Variants in TMEM231 observed in about 807,000 individuals in gnomAD.
TMEM231 encodes the protein transmembrane protein 231.
A neutral mutation model predicts 38.5 loss-of-function variants in TMEM231; 40 were observed. The ratio of observed to expected loss-of-function variants is 1.04; its 90% CI spans 0.81 to 1.35. The LOEUF (loss-of-function observed/expected upper bound fraction) is 1.35. Among genes scored for constraint, TMEM231 ranks in the 40% most tolerant of loss-of-function variants. TMEM231 has a pLI of 0.00. For missense variants in TMEM231, 420 were observed against 416.9 expected, an observed-to-expected ratio of 1.01 and a Z score of -0.07; for synonymous variants, 199 against 181.7, an observed-to-expected ratio of 1.10 and a Z score of -0.77.
At chr16:75,540,908 T>C (rs2080619064) in intron 6 of TMEM231, among the ~76,000 whole-genome samples, 1 of 152,224 alleles carries the variant, frequency 6.6e-6, no homozygotes. Context: ...TATGAGGCTA[T>C]AACCCTGTCA....
At chr16:75,541,887 T>C (rs1382352285) in intron 5 of TMEM231, 2 of 153,440 alleles carry the variant, frequency 1.3e-5, no homozygotes. Context: ...AAATAGTTGA[T>C]TTGTAGGGCA....
Position 75,556,183 on chromosome 16 carries a change from G to T in TMEM231, c.27C>A (p.His9Gln), listed in dbSNP as rs1832096737. 2 of 1,520,474 alleles carry T rather than the reference G, an allele frequency of 1.3e-6. No homozygotes were observed. Among genetic ancestry groups the T allele is most frequent in the South Asian group, 1.3e-5 (1 of 78,346 alleles). 94.2% of individuals were successfully genotyped at this position (1,520,474 alleles called of 1,614,324 possible). The change falls in exon 1 of 7, where the codon CAC (histidine) becomes CAA (glutamine). Residue 9 changes from histidine (H) to glutamine (Q), a missense_variant. His to Gln is a conservative substitution (Grantham distance 24). Coordinates refer to ENST00000258173, the MANE Select transcript of TMEM231 (RefSeq NM_001077418.3). Reference protein sequence around the residue: MALYELFSHPVERSYRAGL... With the variant: MALYELFSQPVERSYRAGL... ...CCGCGCGGTAACTGCGCTCGACCGG[G>T]TGAGAGAAGAGCTCATAGAGCGCCA...
chr16:75,544,853 C>T (rs2080664402), intron 4 of TMEM231, among the ~76,000 whole-genome samples: 1 of 151,630 alleles, frequency 6.6e-6, no homozygotes, highest in Non-Finnish European at 1.5e-5. Flanking sequence ...CGTGTACCTT[C>T]TCTGTAGTTT....
intron 2 of TMEM231, among the ~76,000 whole-genome samples, chr16:75,547,850 G>T (rs1316938620): frequency 6.6e-6 from 1 of 152,110 alleles, no homozygotes; most frequent in African/African-American, 2.4e-5. Context: ...TGGGATCTGG[G>T]TAGAAAATCT....
intron 2 of TMEM231, 31 bp downstream of exon 2, chr16:75,555,773 T>C: frequency 6.7e-7 from 1 of 1,487,106 alleles, no homozygotes; most frequent in South Asian, 1.4e-5. Context: ...TATCCCCGAC[T>C]CTGCCCCAGG....
chr16:75,540,101 A>C lies in TMEM231; in HGVS notation c.844T>G (p.Trp282Gly). The change falls in exon 7 of 7, where the codon TGG (tryptophan) becomes GGG (glycine). Residue 282 changes from tryptophan (W) to glycine (G), a missense_variant. Coordinates refer to ENST00000258173, the MANE Select transcript of TMEM231 (RefSeq NM_001077418.3). ...QYVSILLIFLWVFERIKIFVF... is the reference protein window; with the variant it reads ...QYVSILLIFLGVFERIKIFVF... ...AAGATCTTGATTCTTTCAAACACCC[A>C]GAGGAAGATAAGCAGGATGCTGACA... 6.2e-7 allele frequency: 1 copy of C among 1,613,892 alleles called. No individual in the cohort carries two copies. The highest frequency in any genetic ancestry group is 8.5e-7 in the Non-Finnish European group (1 of 1,179,830).
intron 4 of TMEM231, 22 bp downstream of exon 4, chr16:75,545,330 G>T: frequency 6.2e-7 from 1 of 1,604,760 alleles, no homozygotes; most frequent in Non-Finnish European, 8.5e-7. Flanking sequence ...CAAAGGAGCT[G>T]GACAATGAGA....
rs902732764 is a variant in TMEM231 at position 75,537,964 on chromosome 16, T to C, written c.*2030A>G. ...CTACCTGGGGAAGAACTAGGGGACT[T>C]TCACCAAAGACCTCATGGAAGTTCC... On this transcript the variant is annotated 3_prime_UTR_variant, in exon 7 of 7. Coordinates refer to ENST00000258173, the MANE Select transcript of TMEM231 (RefSeq NM_001077418.3). 1 of 152,138 alleles carries C rather than the reference T, an allele frequency of 6.6e-6. No individual in the cohort carries two copies. Among genetic ancestry groups the C allele is most frequent in the Non-Finnish European group, 1.5e-5 (1 of 68,014 alleles). 9.4% of individuals were successfully genotyped at this position (152,138 alleles called of 1,614,324 possible).
At chr16:75,544,561 A>G (rs2738802) in intron 4 of TMEM231, among the ~76,000 whole-genome samples, 40,542 of 152,062 alleles carry the variant, frequency 0.27, 5,614 homozygotes, top group Middle Eastern at 0.33. Flanking sequence ...AGAGGTTGCC[A>G]TGATGATTAA....
In TMEM231 at chr16:75,545,529, G is replaced by A. The variant is rs199898251; in HGVS notation, c.439-34C>T. 20,074 of 1,441,786 alleles carry A rather than the reference G, an allele frequency of 0.014. 2,669 individuals carry two copies. The African/African-American group carries it at 0.29, about 21-fold the overall frequency. 89.3% of individuals were successfully genotyped at this position (1,441,786 alleles called of 1,614,324 possible). On this transcript the variant is annotated intron_variant, in intron 3 of 6. Coordinates refer to ENST00000258173, the MANE Select transcript of TMEM231 (RefSeq NM_001077418.3). Reference sequence around the variant, plus strand: ...ATTAGAAGGACCAACAATACCAACCGCCATCAGATCTGAAGGGCTCTGGGT... The same window carrying A: ...ATTAGAAGGACCAACAATACCAACCACCATCAGATCTGAAGGGCTCTGGGT...
intron 5 of TMEM231, chr16:75,541,728 A>T (rs2080630823): frequency 4.4e-6 from 1 of 229,794 alleles, no homozygotes; most frequent in Non-Finnish European, 8.4e-6. Flanking sequence ...ACTGCCACTA[A>T]AAGTAGTATC....
rs1483717718 is a variant in TMEM231, at chr16:75,539,393, G to C, written c.*601C>G. Reference sequence around the variant, plus strand: ...ATGACTGACTGTTGGGCTGGGGCAGGTGGACGGTCCAAGTGTCCTTCAGCG... The same window carrying C: ...ATGACTGACTGTTGGGCTGGGGCAGCTGGACGGTCCAAGTGTCCTTCAGCG... On this transcript the variant is annotated 3_prime_UTR_variant, in exon 7 of 7. Transcript: ENST00000258173. 3 of 152,212 alleles carry C rather than the reference G, an allele frequency of 2.0e-5. No individual in the cohort carries two copies. Among genetic ancestry groups the C allele is most frequent in the Admixed American group, 2.0e-4 (3 of 15,264 alleles). The allele number at this position is 152,212 out of a possible 1,614,324, so 9.4% of individuals were successfully genotyped here.
intron 5 of TMEM231, 63 bp downstream of exon 5, chr16:75,542,539 T>C (rs1413564743): frequency 7.4e-7 from 1 of 1,359,594 alleles, no homozygotes; most frequent in Non-Finnish European, 1.1e-6. Context: ...TGCTTGTCTC[T>C]GTTGCCCCCA....
At chr16:75,543,214 C>T (rs2080647918) in intron 4 of TMEM231, among the ~76,000 whole-genome samples, 1 of 151,450 alleles carries the variant, frequency 6.6e-6, no homozygotes, top group African/African-American at 2.4e-5. Flanking sequence ...ATGCCACTCA[C>T]TACACTCCAG....
chr16:75,539,134 G>C lies in TMEM231; in HGVS notation c.*860C>G, dbSNP rs1053002387. The C allele has an allele frequency of 7.2e-5, 11 of 151,814 alleles. No homozygotes were observed. Among genetic ancestry groups the C allele is most frequent in the Admixed American group, 3.9e-4 (6 of 15,244 alleles). 9.4% of individuals were successfully genotyped at this position (151,814 alleles called of 1,614,324 possible). On this transcript the variant is annotated 3_prime_UTR_variant, in exon 7 of 7. Coordinates refer to ENST00000258173, the MANE Select transcript of TMEM231 (RefSeq NM_001077418.3). ...TGTCGCCCCTGTCCTTTGCAGGAAG[G>C]GGGAGGGCTGTCAAGGAGGAGGAGG...
At chr16:75,555,641 C>T (rs1284819646) in intron 2 of TMEM231, 163 bp downstream of exon 2, 1 of 639,800 alleles carries the variant, frequency 1.6e-6, no homozygotes, top group Non-Finnish European at 2.5e-6. Flanking sequence ...AAGATCGATT[C>T]CCTAGGTCCT....
intron 1 of TMEM231, 34 bp downstream of exon 1, chr16:75,556,037 G>T (rs1032603822): frequency 1.9e-6 from 3 of 1,566,450 alleles, no homozygotes; most frequent in African/African-American, 1.4e-5. Flanking sequence ...CGCGCCCGGG[G>T]AGCCTCGTGG....
chr16:75,545,045 T>C lies in TMEM231; in HGVS notation c.582+307A>G, dbSNP rs530148845. On this transcript the variant is annotated intron_variant, in intron 4 of 6. Coordinates refer to ENST00000258173, the MANE Select transcript of TMEM231 (RefSeq NM_001077418.3). Reference sequence around the variant, plus strand: ...ATCTCAGCTCACTGTAACCTCCACCTCCTGGGTTCAAGCAATTCTCCTGCC... The same window carrying C: ...ATCTCAGCTCACTGTAACCTCCACCCCCTGGGTTCAAGCAATTCTCCTGCC... Among the ~76,000 whole-genome samples the C allele has an allele frequency of 2.8e-4, 38 of 135,386 alleles. No homozygotes were observed. In the South Asian group the frequency reaches 9.4e-3, roughly 34 times the overall value. 88.8% of individuals were successfully genotyped at this position (135,386 alleles called of 152,430 possible). A position where few individuals can be genotyped will look rare whatever the true frequency, so the allele number is the denominator to read the frequency against.
intron 2 of TMEM231, among the ~76,000 whole-genome samples, chr16:75,553,197 T>A (rs2080780065): frequency 6.6e-6 from 1 of 152,192 alleles, no homozygotes. Flanking sequence ...CTGGACAGTT[T>A]CCTGGATAGA....
Sources: gnomAD v4.1 joint callset for allele counts (sites outside exome capture counted in the v4.1 genomes callset) on GRCh38, gnomAD v4.1.1 for gene constraint, MANE v1.5 for transcripts, NCBI Gene and HGNC (gene_info 2026-07-23, HGNC 2026-07-21) for gene names.